The following EIF3H variants were observed in gnomAD, a reference collection of about 807,000 sequenced individuals.
EIF3H encodes the protein eukaryotic translation initiation factor 3 subunit H, also known as eIF-3-gamma.
EIF3H carries 26 observed loss-of-function variants against 44.2 expected under a neutral mutation model. The ratio of observed to expected loss-of-function variants is 0.59; its 90% CI spans 0.43 to 0.82. The LOEUF is 0.82. Among genes scored for constraint, EIF3H ranks in the 40% least tolerant of loss-of-function variants. The pLI, the probability that EIF3H is intolerant of heterozygous loss-of-function variation, is 0.00. For synonymous variants in EIF3H, 166 were observed against 151.9 expected, an observed-to-expected ratio of 1.09 and a Z score of -0.68; for missense variants, 359 against 432.8, an observed-to-expected ratio of 0.83 and a Z score of 1.51.
At chr8:116,711,039 A>G (rs1393303153) in intron 2 of EIF3H, among the ~76,000 whole-genome samples, 1 of 152,128 alleles carries the variant, frequency 6.6e-6, no homozygotes, top group Non-Finnish European at 1.5e-5. Flanking sequence ...TATTTTAGAA[A>G]TTTTCTTAAC....
chr8:116,689,399 A>G (rs760906111), intron 2 of EIF3H, among the ~76,000 whole-genome samples: 1 of 152,196 alleles, frequency 6.6e-6, no homozygotes, highest in African/African-American at 2.4e-5. Flanking sequence ...CGGGTGAACT[A>G]TAGAGTATAA....
At chr8:116,652,848 GA>G (rs1253009955) in intron 5 of EIF3H, among the ~76,000 whole-genome samples, 1 of 152,076 alleles carries the variant, frequency 6.6e-6, no homozygotes, top group African/African-American at 2.4e-5. Context: ...GAGGTCCTGA[GA>G]AGGCAAGAAG....
intron 2 of EIF3H, among the ~76,000 whole-genome samples, chr8:116,692,734 G>C (rs997687434): frequency 6.6e-6 from 1 of 151,996 alleles, no homozygotes; most frequent in South Asian, 2.1e-4. Flanking sequence ...GACTGTATTC[G>C]TAATGTTTAA....
intron 1 of EIF3H, among the ~76,000 whole-genome samples, chr8:116,737,549 G>A (rs1454616269): frequency 6.6e-6 from 1 of 151,864 alleles, no homozygotes; most frequent in Non-Finnish European, 1.5e-5. Context: ...CCAGCTACTC[G>A]GGAGGCTGAA....
intron 1 of EIF3H, among the ~76,000 whole-genome samples, chr8:116,755,397 G>C (rs1341504912): frequency 1.3e-5 from 2 of 151,980 alleles, no homozygotes; most frequent in Non-Finnish European, 2.9e-5. Context: ...TCCCCCCACC[G>C]GTCATCTCAA....
intron 2 of EIF3H, among the ~76,000 whole-genome samples, chr8:116,711,496 A>C (rs1204449882): frequency 6.6e-6 from 1 of 152,218 alleles, no homozygotes; most frequent in Non-Finnish European, 1.5e-5. Context: ...AATCCTGGTA[A>C]TAGACTTTTT....
At chr8:116,755,862 T>G, upstream of EIF3H, 1 of 1,597,108 alleles carries the variant, frequency 6.3e-7, no homozygotes, top group Non-Finnish European at 8.5e-7. Flanking sequence ...AAGTCTCGCG[T>G]GACGTCACTC....
chr8:116,765,530 C>G (rs942060685), exon 1 of EIF3H: 1 of 152,158 alleles, frequency 6.6e-6, no homozygotes. Context: ...AGTGGATACT[C>G]GACAGTTAGC....
At chr8:116,760,243 C>T (rs529419524), upstream of EIF3H, among the ~76,000 whole-genome samples, 1 of 152,284 alleles carries the variant, frequency 6.6e-6, no homozygotes, top group African/African-American at 2.4e-5. Context: ...AAACAATACA[C>T]TTTTTGTTTT....
At chr8:116,682,480 AC>A (rs1814006332) in intron 2 of EIF3H, among the ~76,000 whole-genome samples, 1 of 152,114 alleles carries the variant, frequency 6.6e-6, no homozygotes, top group African/African-American at 2.4e-5. Flanking sequence ...ACCTCTCAAA[AC>A]CAGATGAAAA....
intron 1 of EIF3H, among the ~76,000 whole-genome samples, chr8:116,752,751 AAGAGGGAGGGAG>A (rs1815374636): frequency 1.2e-5 from 1 of 82,168 alleles, no homozygotes; most frequent in East Asian, 3.4e-4. Context: ...GAAAGAAAGA[AAGAGGGAGGGAG>A]GGAGGGAGGG....
chr8:116,645,918 T>C (rs1047546319), intron 7 of EIF3H, among the ~76,000 whole-genome samples: 1 of 152,196 alleles, frequency 6.6e-6, no homozygotes, highest in African/African-American at 2.4e-5. Context: ...TTCTATAAGA[T>C]TATAGCCAAA....
At chr8:116,663,174 A>C (rs1563635859) in intron 2 of EIF3H, among the ~76,000 whole-genome samples, 2 of 152,140 alleles carry the variant, frequency 1.3e-5, no homozygotes, top group Non-Finnish European at 2.9e-5. Flanking sequence ...ACTCTCGAGA[A>C]ATAAGGCTCA....
At chr8:116,760,329 G>A (rs1264930396), upstream of EIF3H, among the ~76,000 whole-genome samples, 3 of 152,196 alleles carry the variant, frequency 2.0e-5, no homozygotes, top group African/African-American at 4.8e-5. Flanking sequence ...ATCAATTTAA[G>A]TCATAGGCCT....
At chr8:116,694,917 T>C (rs1020179146) in intron 2 of EIF3H, among the ~76,000 whole-genome samples, 2 of 152,120 alleles carry the variant, frequency 1.3e-5, no homozygotes, top group African/African-American at 4.8e-5. Context: ...TATTCCAACA[T>C]AGTAACAGAG....
chr8:116,648,973 G>T, intron 5 of EIF3H, 47 bp from the exon 6 acceptor site: 1 of 1,551,608 alleles, frequency 6.4e-7, no homozygotes. Context: ...TTAAATTATA[G>T]CTTTGCTACT....
chr8:116,646,711 C>T (rs889237111), intron 6 of EIF3H, 108 bp from the exon 7 acceptor site: 8 of 1,439,382 alleles, frequency 5.6e-6, no homozygotes, highest in Non-Finnish European at 7.5e-6. Flanking sequence ...TGAATTCCAA[C>T]CTCAGTTTTT....
intron 2 of EIF3H, among the ~76,000 whole-genome samples, chr8:116,690,322 C>T (rs1246350854): frequency 6.6e-6 from 1 of 151,938 alleles, no homozygotes; most frequent in Non-Finnish European, 1.5e-5. Context: ...AAAAACAGGT[C>T]CTCTCTTCCT....
chr8:116,660,854 C>CA (rs1194038453), intron 2 of EIF3H, among the ~76,000 whole-genome samples: 9 of 152,162 alleles, frequency 5.9e-5, no homozygotes, highest in Non-Finnish European at 1.2e-4. Context: ...GAATAAAATA[C>CA]AAAATCAAAG....
Sources: allele counts gnomAD v4.1 joint callset (sites outside exome capture counted in the v4.1 genomes callset), GRCh38; gene constraint gnomAD v4.1.1; transcripts MANE v1.5; gene names NCBI Gene and HGNC (gene_info 2026-07-23, HGNC 2026-07-21).